The following ADGRD1 variants were observed in gnomAD, a reference collection of about 807,000 sequenced individuals.
ADGRD1 encodes the protein G-protein coupled receptor 133.
In ADGRD1, 77 loss-of-function variants were observed where a neutral mutation model predicts 113.4. The observed-to-expected ratio is 0.68, with a 90% confidence interval of 0.57 to 0.82. ADGRD1 has a LOEUF of 0.82. Ranked by LOEUF, ADGRD1 falls within the 40% of genes least tolerant of loss-of-function variation. The pLI is 0.00. For missense variants in ADGRD1, 1,036 were observed against 1,139.1 expected, an observed-to-expected ratio of 0.91 and a Z score of 1.30; for synonymous variants, 474 against 475.0, an observed-to-expected ratio of 1.00 and a Z score of 0.03.
intron 13 of ADGRD1, among the ~76,000 whole-genome samples, chr12:131,029,947 T>A (rs1376555179): frequency 9.4e-6 from 1 of 105,884 alleles, no homozygotes; most frequent in Admixed American, 9.6e-5. Context: ...GACCCCTCGT[T>A]CAGTGACATT....
intron 20 of ADGRD1, among the ~76,000 whole-genome samples, chr12:131,128,958 A>ACGG (rs1950823230): frequency 1.5e-5 from 2 of 129,612 alleles, no homozygotes; most frequent in African/African-American, 6.1e-5. Context: ...GGTGTGAGTG[A>ACGG]CAGGCCGGCC....
At chr12:131,088,631 G>A (rs1886671316) in intron 15 of ADGRD1, among the ~76,000 whole-genome samples, 2 of 152,158 alleles carry the variant, frequency 1.3e-5, no homozygotes, top group Non-Finnish European at 1.5e-5. Context: ...AAACGCCAGG[G>A]CGGAGGCAGG....
At chr12:130,996,662 C>G (rs1307642949) in intron 8 of ADGRD1, among the ~76,000 whole-genome samples, 2 of 94,748 alleles carry the variant, frequency 2.1e-5, no homozygotes, top group Admixed American at 9.5e-5. Flanking sequence ...GGGGGGCTGA[C>G]CCCCCCACCT....
In ADGRD1 at chr12:131,123,470, T is replaced by A. The variant is rs1174302961; in HGVS notation, c.2175+2557T>A. ...GAGGTCCTCATGCCCTCTTGGGACA[T>A]TGGTAGCAACAGGCAGATTGGAAGG... On this transcript the variant is annotated intron_variant, in intron 20 of 24. Coordinates refer to ENST00000261654, the MANE Select transcript of ADGRD1 (RefSeq NM_198827.5). Among the ~76,000 whole-genome samples, 6 of 152,040 alleles carry A rather than the reference T, an allele frequency of 3.9e-5. No homozygotes were observed. In the East Asian group the frequency reaches 1.2e-3, roughly 29 times the overall value.
At chr12:131,072,665 C>T (rs919944909) in intron 13 of ADGRD1, among the ~76,000 whole-genome samples, 4 of 152,226 alleles carry the variant, frequency 2.6e-5, no homozygotes, top group African/African-American at 9.6e-5. Context: ...AAAGGACAGA[C>T]CCCTTCAAGC....
chr12:131,131,236 C>G (rs1199595480), intron 20 of ADGRD1, among the ~76,000 whole-genome samples: 3 of 152,214 alleles, frequency 2.0e-5, no homozygotes, highest in Admixed American at 6.5e-5. Context: ...GGAGATGATG[C>G]CCCTCTGCCG....
At chr12:130,993,531 T>C (rs1409912777) in intron 8 of ADGRD1, among the ~76,000 whole-genome samples, 1 of 151,826 alleles carries the variant, frequency 6.6e-6, no homozygotes, top group East Asian at 1.9e-4. Context: ...TAAAGGGAAC[T>C]ACATGGAGCT....
chr12:131,046,656 G>A (rs1306219323), intron 13 of ADGRD1, among the ~76,000 whole-genome samples: 1 of 129,470 alleles, frequency 7.7e-6, no homozygotes, highest in East Asian at 2.5e-4. Context: ...CTCCCTCCCT[G>A]GTCAGTGTCC....
rs902104640 is a variant in ADGRD1, at chr12:131,073,438, C to T, written c.1474-3363C>T. On this transcript the variant is annotated intron_variant, in intron 13 of 24. Transcript: ENST00000261654. The stretch of plus-strand genomic sequence containing the variant: ...CTGCCCCAGATGTTCCACTGAGATC[C>T]ACCTGCACCTGACCCACTGCTCTGG... 9.8e-5 allele frequency among the ~76,000 whole-genome samples: 15 copies of T among 152,324 alleles called. No homozygotes were observed. In the East Asian group the frequency reaches 2.7e-3, roughly 27 times the overall value.
chr12:131,070,511 G>C (rs1233437681), intron 13 of ADGRD1: 2 of 197,580 alleles, frequency 1.0e-5, no homozygotes, highest in Non-Finnish European at 2.2e-5. Context: ...TGTTGTACTC[G>C]GAGGCTGGGA....
chr12:131,136,113 G>A lies in ADGRD1; in HGVS notation c.2344G>A (p.Gly782Ser), dbSNP rs574429603. Residue 782 changes from glycine to serine, a missense_variant, in exon 22 of 25, where the codon GGT becomes AGT. Coordinates refer to ENST00000261654, the MANE Select transcript of ADGRD1 (RefSeq NM_198827.5). The part of the protein sequence containing the change: ...SWVFGVLAVN[G>S]CAVVFQYMFA... ...GGTCTTTGGCGTGCTTGCTGTCAAC[G>A]GTTGTGCTGTGGTTTTCCAGTACAT... 67 of 1,614,218 alleles carry A rather than the reference G, an allele frequency of 4.2e-5. No homozygotes were observed. The highest frequency in any genetic ancestry group is 3.3e-4 in the East Asian group (15 of 44,876).
At chr12:131,136,898 C>A (rs1360528558) in intron 22 of ADGRD1, 75 bp from the exon 23 acceptor site, 3 of 1,209,776 alleles carry the variant, frequency 2.5e-6, no homozygotes, top group South Asian at 1.2e-5. Context: ...TCCCAGGCTG[C>A]ATGGGAGGAA....
chr12:131,102,399 C>T (rs1288297608), intron 15 of ADGRD1, among the ~76,000 whole-genome samples: 1 of 152,238 alleles, frequency 6.6e-6, no homozygotes, highest in Non-Finnish European at 1.5e-5. Context: ...CGGCAGGTGA[C>T]TGATGAGTGC....
In ADGRD1 at chr12:130,997,035, C is replaced by T. The variant is rs1405534509; in HGVS notation, c.967-3348C>T. On this transcript the variant is annotated intron_variant, in intron 8 of 24. Transcript: ENST00000261654. ...CTGACCCCCCCACCTCCCTCCCGGACGGGGCGGCTGGCCAGGCAGAGGGGC... is the reference window on the plus strand; with the variant it reads ...CTGACCCCCCCACCTCCCTCCCGGATGGGGCGGCTGGCCAGGCAGAGGGGC... Among the ~76,000 whole-genome samples, 149 of 132,272 alleles carry T rather than the reference C, an allele frequency of 1.1e-3. 3 individuals carry two copies. The highest frequency in any genetic ancestry group is 3.7e-3 in the African/African-American group (125 of 33,894). The allele number at this position is 132,272 out of a possible 152,430, so 86.8% of individuals were successfully genotyped here.
intron 18 of ADGRD1, among the ~76,000 whole-genome samples, chr12:131,110,356 CTT>C (rs33940390): frequency 0.65 from 96,130 of 148,968 alleles, 33,853 homozygotes; most frequent in East Asian, 0.92. Context: ...ATTTTTTTCA[CTT>C]TTTTTTTTTG....
At chr12:131,052,534 A>C (rs1050302618) in intron 13 of ADGRD1, among the ~76,000 whole-genome samples, 3 of 152,214 alleles carry the variant, frequency 2.0e-5, no homozygotes, top group Admixed American at 1.3e-4. Context: ...GTCTGCAACC[A>C]GGCATCTGCC....
At chr12:131,111,826 T>C (rs145411787) in intron 18 of ADGRD1, among the ~76,000 whole-genome samples, 2 of 152,300 alleles carry the variant, frequency 1.3e-5, no homozygotes, top group Non-Finnish European at 2.9e-5. Context: ...TGAGACAGGG[T>C]CGTTATGCAT....
intron 15 of ADGRD1, among the ~76,000 whole-genome samples, chr12:131,095,439 T>C (rs1887210569): frequency 6.6e-6 from 1 of 152,190 alleles, no homozygotes; most frequent in Admixed American, 6.5e-5. Context: ...AAGTGTCTGC[T>C]CTGGAGTGTG....
Position 130,966,544 on chromosome 12 carries a change from G to T in ADGRD1, c.185G>T (p.Gly62Val), listed in dbSNP as rs970968413. Residue 62 changes from glycine (G) to valine (V), a missense_variant and splice_region_variant, in exon 3 of 25, where the codon GGA becomes GTA. Coordinates refer to ENST00000261654, the MANE Select transcript of ADGRD1 (RefSeq NM_198827.5). This position sits in a 1 kb window ranked among gnomAD's most constrained non-coding sequence, Gnocchi z 4.6. ...DGIHELQDTT[G>V]DIVEGKVNKG... ...ATCCATGAACTTCAGGATACAACTG[G>T]AGGTAGAGACGCGGGTGCTGAGAGC... 1 of 1,600,796 alleles carries T rather than the reference G, an allele frequency of 6.2e-7. No individual in the cohort carries two copies. Among genetic ancestry groups the T allele is most frequent in the African/African-American group, 1.3e-5 (1 of 74,778 alleles).
Sources: allele counts gnomAD v4.1 joint callset (sites outside exome capture counted in the v4.1 genomes callset), GRCh38; gene constraint gnomAD v4.1.1; non-coding constraint Gnocchi (gnomAD v3.1); transcripts MANE v1.5; gene names NCBI Gene and HGNC (gene_info 2026-07-23, HGNC 2026-07-21).